Variants in KRT75 observed in about 807,000 individuals in gnomAD.
KRT75 encodes the protein keratin 75, also known as keratin, type II cytoskeletal 75.
Under a neutral mutation model 48.8 loss-of-function variants are expected in KRT75, and 35 were observed. The observed-to-expected ratio is 0.72, with a 90% CI of 0.55 to 0.95. The LOEUF (loss-of-function observed/expected upper bound fraction) is 0.95. Among genes scored for constraint, KRT75 ranks in the 40% least tolerant of loss-of-function variants. KRT75 has a pLI of 0.00. For missense variants in KRT75, 776 were observed against 709.9 expected (o/e 1.09, Z -1.06); for synonymous variants, 301 against 282.3 (o/e 1.07, Z -0.66).
intron 2 of KRT75, among the ~76,000 whole-genome samples, chr12:52,432,540 A>C (rs527661265): frequency 6.6e-6 from 1 of 152,320 alleles, no homozygotes; most frequent in Non-Finnish European, 1.5e-5. Flanking sequence ...CTAATGGGTT[A>C]GTCTGGACCA....
chr12:52,432,021 A>T lies in KRT75; in HGVS notation c.759T>A (p.Phe253Leu), dbSNP rs752127341. Residue 253 changes from phenylalanine (F) to leucine (L), a missense_variant, in exon 3 of 9, where the codon TTT (phenylalanine) becomes TTA (leucine). By Grantham distance (22) the Phe-to-Leu change is conservative. Transcript: ENST00000252245. ...INKRTAAENE[F>L]VALKKDVDAA... Reference sequence around the variant, plus strand: ...CCCCACTCACCTTTTTCAGGGCTACAAATTCATTCTCAGCAGCTGTGCGCT... The same window carrying T: ...CCCCACTCACCTTTTTCAGGGCTACTAATTCATTCTCAGCAGCTGTGCGCT... 5 of 1,614,210 alleles carry T rather than the reference A, an allele frequency of 3.1e-6. No homozygotes were observed. The highest frequency in any genetic ancestry group is 3.4e-6 in the Non-Finnish European group (4 of 1,180,022).
At chr12:52,433,601 G>A (rs1265187033) in intron 1 of KRT75, among the ~76,000 whole-genome samples, 1 of 152,188 alleles carries the variant, frequency 6.6e-6, no homozygotes, top group Admixed American at 6.5e-5. Flanking sequence ...ACCAGCCCAT[G>A]TGGCTCCGAA....
chr12:52,428,263 C>T lies in KRT75; in HGVS notation c.1375G>A (p.Glu459Lys). The T allele has an allele frequency of 6.2e-7, 1 of 1,613,980 alleles. No individual in the cohort carries two copies. The highest frequency in any genetic ancestry group is 2.2e-5 in the East Asian group (1 of 44,874). ...TTGGTGCATCTGCCTCACCTGCACT[C>T]CTCGCCTTCCAGCAGCTTGCGGTAG... ...ATYRKLLEGE[E>K]CRLSGEGVSP... The change falls in exon 7 of 9, where the codon GAG (glutamate) becomes AAG (lysine). Residue 459 changes from glutamate (E) to lysine (K), a missense_variant. By Grantham distance (56) the Glu-to-Lys change is moderately conservative. Transcript: ENST00000252245.
At chr12:52,432,478 T>C (rs1356704515) in intron 2 of KRT75, among the ~76,000 whole-genome samples, 1 of 152,126 alleles carries the variant, frequency 6.6e-6, no homozygotes, top group Non-Finnish European at 1.5e-5. Flanking sequence ...CCCTGAGAAA[T>C]ATGCTTTTTG....
At chr12:52,427,441 C>A (rs1358241913) in intron 7 of KRT75, among the ~76,000 whole-genome samples, 1 of 152,210 alleles carries the variant, frequency 6.6e-6, no homozygotes, top group Non-Finnish European at 1.5e-5. Flanking sequence ...CCACTTAGTT[C>A]TCTCAACAAC....
chr12:52,433,337 G>T (rs747314606), intron 1 of KRT75, 85 bp from the exon 2 acceptor site: 97 of 1,218,064 alleles, frequency 8.0e-5, no homozygotes, highest in Non-Finnish European at 1.1e-4. Flanking sequence ...AGAAGAAAAA[G>T]ATATTTTTTT....
chr12:52,428,474 A>C lies in KRT75; in HGVS notation c.1164T>G (p.Cys388Trp), dbSNP rs401926. Residue 388 changes from cysteine to tryptophan, a missense_variant and splice_region_variant, in exon 7 of 9, where the codon TGT becomes TGG. Coordinates refer to ENST00000252245, the MANE Select transcript of KRT75 (RefSeq NM_004693.3). ...RAEIDSVKKQCSSLQTAIADA... is the reference protein window; with the variant it reads ...RAEIDSVKKQWSSLQTAIADA... Reference sequence around the variant, plus strand: ...CAGCAATGGCCGTTTGCAAGCTGGAACACTGTAAGGACAGGAGGAAGCCAT... The same window carrying C: ...CAGCAATGGCCGTTTGCAAGCTGGACCACTGTAAGGACAGGAGGAAGCCAT... 4 of 1,612,134 alleles carry C rather than the reference A, an allele frequency of 2.5e-6. No homozygotes were observed. The highest frequency in any genetic ancestry group is 1.7e-4 in the Middle Eastern group (1 of 6,060).
chr12:52,432,971 T>C, intron 2 of KRT75, 67 bp downstream of exon 2: 1 of 1,509,968 alleles, frequency 6.6e-7, no homozygotes, highest in Non-Finnish European at 9.2e-7. Context: ...CCTTTGCACC[T>C]CTCTGGTCCT....
intron 3 of KRT75, 103 bp downstream of exon 3, chr12:52,431,903 T>G (rs1791531362): frequency 9.3e-7 from 1 of 1,080,192 alleles, no homozygotes; most frequent in Admixed American, 1.8e-5. Context: ...TTCTCAAGGT[T>G]GATGTGACAT....
rs138871840 is a variant in KRT75, at chr12:52,433,936, C to T, written c.369G>A (p.Glu123=). The T allele has an allele frequency of 9.9e-6, 16 of 1,614,052 alleles. No individual in the cohort carries two copies. Among genetic ancestry groups the T allele is most frequent in the Non-Finnish European group, 1.3e-5 (15 of 1,180,026 alleles). The change falls in exon 1 of 9, where the codon GAG becomes GAA. Residue 123 remains glutamate (E), a synonymous_variant. Coordinates refer to ENST00000252245, the MANE Select transcript of KRT75 (RefSeq NM_004693.3). ...FPVCPPGGIQ[E]VTVNQSLLTP... is the part of the protein sequence containing the mutation. ...TCAGGAGACTCTGGTTGACAGTGAC[C>T]TCTTGGATGCCTCCAGGGGGACACA... is the stretch of plus-strand genomic sequence containing the variant.
At chr12:52,431,707 C>A (rs1261968414) in intron 3 of KRT75, 69 bp from the exon 4 acceptor site, 6 of 1,181,186 alleles carry the variant, frequency 5.1e-6, no homozygotes, top group African/African-American at 1.5e-5. Flanking sequence ...AGAAGCTGAG[C>A]AGATTTCTCC....
chr12:52,431,994 A>G lies in KRT75; in HGVS notation c.774+12T>C, dbSNP rs774273851. 2 of 1,613,768 alleles carry G rather than the reference A, an allele frequency of 1.2e-6. No homozygotes were observed. The highest frequency in any genetic ancestry group is 1.3e-5 in the African/African-American group (1 of 75,040). On this transcript the variant is annotated intron_variant, in intron 3 of 8. Coordinates refer to ENST00000252245, the MANE Select transcript of KRT75 (RefSeq NM_004693.3). ...TTAAACCTTCTCCTTTGAGAGAAAC[A>G]TCCCCACTCACCTTTTTCAGGGCTA...
At chr12:52,426,262 G>T (rs182790975) in intron 8 of KRT75, among the ~76,000 whole-genome samples, 1 of 152,302 alleles carries the variant, frequency 6.6e-6, no homozygotes, top group Admixed American at 6.5e-5. Flanking sequence ...GTAGCCAACT[G>T]CCATATTTTA....
In KRT75 at chr12:52,434,233, G is replaced by A; in HGVS notation, c.72C>T (p.Thr24=). 6.3e-7 allele frequency: 1 copy of A among 1,591,878 alleles called. No individual in the cohort carries two copies. The highest frequency in any genetic ancestry group is 8.6e-7 in the Non-Finnish European group (1 of 1,168,964). Reference sequence around the variant, plus strand: ...TGAAGCGGGAGCGGCCAGCTGCCGGGGTGATGGCCGAGGTGGTGCTGAAGC... The same window carrying A: ...TGAAGCGGGAGCGGCCAGCTGCCGGAGTGATGGCCGAGGTGGTGCTGAAGC... The part of the protein sequence containing the change: ...RRGFSTTSAI[T]PAAGRSRFSS... Residue 24 remains threonine, a synonymous_variant, in exon 1 of 9, where the codon ACC becomes ACT. Transcript: ENST00000252245.
chr12:52,425,300 T>C (rs1377806874), intron 8 of KRT75, among the ~76,000 whole-genome samples: 2 of 152,184 alleles, frequency 1.3e-5, no homozygotes, highest in African/African-American at 4.8e-5. Context: ...TTACACATTC[T>C]AGCACCCTAC....
intron 1 of KRT75, 120 bp from the exon 2 acceptor site, chr12:52,433,372 G>T: frequency 1.1e-6 from 1 of 916,638 alleles, no homozygotes; most frequent in East Asian, 2.6e-5. Context: ...TGACAATAAT[G>T]TAACTGACAA....
chr12:52,428,158 AG>A, intron 7 of KRT75, 97 bp downstream of exon 7: 1 of 1,438,534 alleles, frequency 7.0e-7, no homozygotes, highest in Non-Finnish European at 9.7e-7. Flanking sequence ...TTCTTCCAGG[AG>A]AAGAAGGGGC....
rs1218879976 is a variant in KRT75 at position 52,426,922 on chromosome 12, C to G, written c.1383-71G>C. Reference sequence around the variant, plus strand: ...CAGCTTAAGGGCCTTTGCAATGACACTTTTGTAATTGTTGACAAAGCATTT... The same window carrying G: ...CAGCTTAAGGGCCTTTGCAATGACAGTTTTGTAATTGTTGACAAAGCATTT... On this transcript the variant is annotated intron_variant, in intron 7 of 8. Coordinates refer to ENST00000252245, the MANE Select transcript of KRT75 (RefSeq NM_004693.3). 9 of 1,269,606 alleles carry G rather than the reference C, an allele frequency of 7.1e-6. No homozygotes were observed. The East Asian group carries it at 2.1e-4, about 29-fold the overall frequency. 78.6% of individuals were successfully genotyped at this position (1,269,606 alleles called of 1,614,324 possible).
chr12:52,429,781 G>C (rs1051260235), intron 5 of KRT75, among the ~76,000 whole-genome samples: 1 of 152,178 alleles, frequency 6.6e-6, no homozygotes, highest in African/African-American at 2.4e-5. Context: ...TATGGAGCAG[G>C]GAAAGAGTTG....
Sources: gnomAD v4.1 joint callset for allele counts (sites outside exome capture counted in the v4.1 genomes callset) on GRCh38, gnomAD v4.1.1 for gene constraint, MANE v1.5 for transcripts, NCBI Gene and HGNC (gene_info 2026-07-23, HGNC 2026-07-21) for gene names.